The following GABRG1 variants were observed in gnomAD, a reference collection of about 807,000 sequenced individuals.
GABRG1 encodes gamma-aminobutyric acid type A receptor subunit gamma1.
GABRG1 carries 49 observed loss-of-function variants against 49.8 expected under a neutral mutation model. That is an observed-to-expected ratio of 0.98 (90% CI 0.78 to 1.25). The LOEUF (loss-of-function observed/expected upper bound fraction) is 1.25. Among genes scored for constraint, GABRG1 ranks in the 50% most tolerant of loss-of-function variants. The pLI is 0.00. For missense variants in GABRG1, 552 were observed against 552.3 expected (o/e 1.00, Z 0.01); for synonymous variants, 232 against 185.1 (o/e 1.25, Z -2.06).
intron 3 of GABRG1, among the ~76,000 whole-genome samples, chr4:46,068,008 T>C (rs1403989916): frequency 6.6e-6 from 1 of 152,098 alleles, no homozygotes; most frequent in African/African-American, 2.4e-5. Context: ...AGATGTTTTG[T>C]CTTTGGAATC....
intron 5 of GABRG1, 46 bp downstream of exon 5, chr4:46,064,395 T>C (rs1309255131): frequency 4.9e-6 from 5 of 1,023,864 alleles, no homozygotes; most frequent in Non-Finnish European, 7.2e-6. Context: ...ATAAACAGCT[T>C]CTAAGGTTAA....
At position 46,083,976 on chromosome 4, in the gene GABRG1, TCTTA is replaced by T. The variant is rs758402108; in HGVS notation, c.321+6_321+9del. The T allele has an allele frequency of 4.8e-6, 7 of 1,444,962 alleles. No individual in the cohort carries two copies. The highest frequency in any genetic ancestry group is 2.4e-5 in the South Asian group (2 of 84,110). The allele number at this position is 1,444,962 out of a possible 1,614,324, so 89.5% of individuals were successfully genotyped here. ...TGTGGCAGTTATTATTTTTAATATTTCTTACTTACCATATTAATTGGATCAACTG... is the reference window on the plus strand; with the variant it reads ...TGTGGCAGTTATTATTTTTAATATTTCTTACCATATTAATTGGATCAACTG... On this transcript the variant is annotated splice_donor_region_variant and intron_variant, in intron 3 of 8. Coordinates refer to ENST00000295452, the MANE Select transcript of GABRG1 (RefSeq NM_173536.4).
chr4:46,090,933 T>TACACACACACACACACACATAC (rs1719961588), intron 2 of GABRG1, among the ~76,000 whole-genome samples: 3 of 139,256 alleles, frequency 2.2e-5, no homozygotes, highest in African/African-American at 5.4e-5. Flanking sequence ...TTCCCTGGAA[T>TACACACACACACACACACATAC]ACACACACAC....
intron 1 of GABRG1, among the ~76,000 whole-genome samples, chr4:46,112,482 G>A (rs1201025471): frequency 6.6e-6 from 1 of 151,298 alleles, no homozygotes; most frequent in Non-Finnish European, 1.5e-5. Flanking sequence ...TCCCATTACT[G>A]GGTATATATC....
chr4:46,083,439 T>C (rs1281222163), intron 3 of GABRG1, among the ~76,000 whole-genome samples: 5 of 151,722 alleles, frequency 3.3e-5, no homozygotes, highest in Non-Finnish European at 7.4e-5. Flanking sequence ...TCCCAAGGGA[T>C]ACAATTTATA....
rs746510226 is a variant in GABRG1 at position 46,123,816 on chromosome 4, C to G, written c.98G>C (p.Gly33Ala). The change falls in exon 1 of 9, where the codon GGA (glycine) becomes GCA (alanine). Residue 33 changes from glycine to alanine, a missense_variant. Coordinates refer to ENST00000295452, the MANE Select transcript of GABRG1 (RefSeq NM_173536.4). ...LVFLLLTLHL[G>A]NCVDKADDED... ...AACCCCTGAATTTACTCACCAGTTT[C>G]CCAAATGCAGGGTCAGTAACAAGAA... 2 of 1,611,702 alleles carry G rather than the reference C, an allele frequency of 1.2e-6. No individual in the cohort carries two copies. The highest frequency in any genetic ancestry group is 8.5e-7 in the Non-Finnish European group (1 of 1,178,028).
intron 1 of GABRG1, among the ~76,000 whole-genome samples, chr4:46,121,350 ATC>A (rs1350091257): frequency 2.0e-5 from 3 of 151,976 alleles, no homozygotes; most frequent in African/African-American, 7.2e-5. Context: ...ACATGTTAGC[ATC>A]TGTTACCTCC....
chr4:46,105,908 A>G (rs1194356385), intron 1 of GABRG1, among the ~76,000 whole-genome samples: 1 of 151,452 alleles, frequency 6.6e-6, no homozygotes, highest in African/African-American at 2.4e-5. Flanking sequence ...ATCAAAAAGC[A>G]AAACAAGTGA....
At chr4:46,100,796 T>G (rs948274523) in intron 1 of GABRG1, among the ~76,000 whole-genome samples, 1 of 150,468 alleles carries the variant, frequency 6.6e-6, no homozygotes, top group African/African-American at 2.4e-5. Context: ...CTAGTTTATA[T>G]TGCCCTTTTC....
At chr4:46,086,093 A>G (rs1719742840) in intron 2 of GABRG1, among the ~76,000 whole-genome samples, 1 of 151,574 alleles carries the variant, frequency 6.6e-6, no homozygotes, top group Non-Finnish European at 1.5e-5. Flanking sequence ...ATGTGAAGGC[A>G]GGTAGAGATG....
At chr4:46,083,936 T>C in intron 3 of GABRG1, 50 bp downstream of exon 3, 1 of 977,380 alleles carries the variant, frequency 1.0e-6, no homozygotes, top group Non-Finnish European at 1.6e-6. Context: ...TTTGGAGGTA[T>C]ACACGAGAGA....
chr4:46,114,007 G>A (rs1391124612), intron 1 of GABRG1, among the ~76,000 whole-genome samples: 1 of 150,530 alleles, frequency 6.6e-6, no homozygotes, highest in Admixed American at 6.7e-5. Context: ...CTTTTCAAAG[G>A]GTAGGAAAAA....
At chr4:46,088,791 A>ATG (rs1366124447) in intron 2 of GABRG1, among the ~76,000 whole-genome samples, 1 of 121,078 alleles carries the variant, frequency 8.3e-6, no homozygotes, top group Non-Finnish European at 1.7e-5. Context: ...TTTAAATGGC[A>ATG]TGTGTGTGTG....
At chr4:46,090,689 TGA>T (rs1719946942) in intron 2 of GABRG1, among the ~76,000 whole-genome samples, 1 of 151,672 alleles carries the variant, frequency 6.6e-6, no homozygotes, top group African/African-American at 2.4e-5. Context: ...ACACAGATGG[TGA>T]AGAAAGCAGA....
intron 5 of GABRG1, among the ~76,000 whole-genome samples, chr4:46,060,147 G>C (rs1440862440): frequency 6.6e-6 from 1 of 151,872 alleles, no homozygotes; most frequent in Non-Finnish European, 1.5e-5. Context: ...AAGAAATTTG[G>C]GCTAAAAATC....
chr4:46,116,058 T>C (rs1040309551), intron 1 of GABRG1, among the ~76,000 whole-genome samples: 10 of 150,854 alleles, frequency 6.6e-5, no homozygotes, highest in Admixed American at 2.0e-4. Context: ...AATAAAACAG[T>C]ATAGCTTGCC....
At position 46,062,804 on chromosome 4, in the gene GABRG1, A is replaced by C. The variant is rs1238884629; in HGVS notation, c.625+1637T>G. Among the ~76,000 whole-genome samples the C allele has an allele frequency of 2.0e-5, 3 of 152,206 alleles. No homozygotes were observed. The East Asian group carries it at 5.8e-4, about 29-fold the overall frequency. ...AGCCCAAAATCTCCTTAAGCTGATA[A>C]GCAAATTCAGCAAAGTCTCAGGATA... On this transcript the variant is annotated intron_variant, in intron 5 of 8. Coordinates refer to ENST00000295452, the MANE Select transcript of GABRG1 (RefSeq NM_173536.4).
At chr4:46,094,813 C>T (rs1272300159) in intron 2 of GABRG1, among the ~76,000 whole-genome samples, 1 of 151,822 alleles carries the variant, frequency 6.6e-6, no homozygotes, top group African/African-American at 2.4e-5. Context: ...CATCAATAAG[C>T]TAAGATCTTG....
At chr4:46,062,020 T>G (rs1479695279) in intron 5 of GABRG1, among the ~76,000 whole-genome samples, 1 of 85,926 alleles carries the variant, frequency 1.2e-5, no homozygotes, top group South Asian at 5.0e-4. Context: ...ATGCTATCCC[T>G]CCCCCCTCCC....
Sources: allele counts gnomAD v4.1 joint callset (sites outside exome capture counted in the v4.1 genomes callset), GRCh38; gene constraint gnomAD v4.1.1; transcripts MANE v1.5; gene names NCBI Gene and HGNC (gene_info 2026-07-23, HGNC 2026-07-21).